DCT: variants seen among roughly 807,000 people sequenced by gnomAD.
DCT encodes dopachrome tautomerase.
In DCT, 47 loss-of-function variants were observed where a neutral mutation model predicts 53.0. That is an observed-to-expected ratio of 0.89 (90% CI 0.70 to 1.13). The LOEUF (loss-of-function observed/expected upper bound fraction) is 1.13, where lower values mean the gene tolerates loss of function less well. Among genes scored for constraint, DCT ranks in the 50% most tolerant of loss-of-function variants. The pLI is 0.00. For missense variants in DCT, 669 were observed against 637.4 expected (o/e 1.05, Z -0.53); for synonymous variants, 244 against 237.0 (o/e 1.03, Z -0.27).
At chr13:94,509,418 AC>A in the DCT span, among the ~76,000 whole-genome samples, 4 of 143,700 alleles carry the variant, frequency 2.8e-5, no homozygotes, top group Non-Finnish European at 6.1e-5. Flanking sequence ...CCACACCATC[AC>A]CCCCTCCCCA....
the DCT span, among the ~76,000 whole-genome samples, chr13:94,515,099 C>G: frequency 1.6e-4 from 24 of 152,128 alleles, no homozygotes; most frequent in Admixed American, 1.2e-3. Flanking sequence ...AAGAAGATGG[C>G]AGTCTATGAA....
chr13:94,543,252 G>A, the DCT span, among the ~76,000 whole-genome samples: 19 of 152,200 alleles, frequency 1.2e-4, no homozygotes, highest in Admixed American at 3.3e-4. Flanking sequence ...GAATTCATCC[G>A]GTGAGGCCAC....
Position 94,460,230 on chromosome 13 carries a change from G to A in DCT, c.1044-4C>T. On this transcript the variant is annotated splice_region_variant and splice_polypyrimidine_tract_variant and intron_variant, in intron 5 of 7. Coordinates refer to ENST00000377028, the MANE Select transcript of DCT (RefSeq NM_001922.5). ...ATCAAACCCTTCCAAAGCATTCCTA[G>A]GAGAAACAAGTATATCAGTGACAAC... The A allele has an allele frequency of 1.2e-6, 2 of 1,612,600 alleles. No homozygotes were observed. The highest frequency in any genetic ancestry group is 4.5e-5 in the East Asian group (2 of 44,842).
chr13:94,465,456 T>TA (rs1884110464), intron 4 of DCT, 177 bp downstream of exon 4: 2 of 431,754 alleles, frequency 4.6e-6, no homozygotes, highest in South Asian at 1.2e-4. Context: ...ATTTTTTTTT[T>TA]AATTAAAGAG....
Position 94,465,656 on chromosome 13 carries a change from G to A in DCT, c.840C>T (p.Ser280=), listed in dbSNP as rs200698216. The change falls in exon 4 of 8, where the codon TCC becomes TCT. Residue 280 remains serine, a synonymous_variant. Transcript: ENST00000377028. ...ACCTATCACAGACAGTTTCCCAGCT[G>A]GAGAATCTTGAGTTCCGACTAATCA... ...PTLISRNSRF[S]SWETVCDSLD... 1.6e-5 allele frequency: 26 copies of A among 1,613,382 alleles called. No homozygotes were observed. In the African/African-American group the frequency reaches 2.9e-4, roughly 18 times the overall value.
the DCT span, among the ~76,000 whole-genome samples, chr13:94,489,164 C>T: frequency 1.3e-5 from 2 of 151,968 alleles, no homozygotes; most frequent in Non-Finnish European, 2.9e-5. Context: ...AATTTTGAAC[C>T]ATGCATGTAT....
chr13:94,480,656 T>C (rs190030184), upstream of DCT, among the ~76,000 whole-genome samples: 1 of 152,310 alleles, frequency 6.6e-6, no homozygotes, highest in Admixed American at 6.5e-5. Flanking sequence ...TGGCAATTCT[T>C]ATGTCTGACT....
rs532583614 is a variant in DCT, at chr13:94,468,494, A to C, written c.595+252T>G. ...TTTGATGATTAACAGCTTCACAGAG[A>C]AAAGTTTACACTTTGAACCAAGAAC... On this transcript the variant is annotated intron_variant, in intron 2 of 7. Transcript: ENST00000377028. The C allele has an allele frequency of 1.6e-5, 6 of 385,610 alleles. No homozygotes were observed. The East Asian group carries it at 2.5e-4, about 16-fold the overall frequency. The allele number at this position is 385,610 out of a possible 1,614,324, so 23.9% of individuals were successfully genotyped here.
At chr13:94,486,724 C>G in the DCT span, among the ~76,000 whole-genome samples, 1 of 152,142 alleles carries the variant, frequency 6.6e-6, no homozygotes, top group Non-Finnish European at 1.5e-5. Context: ...CTTTCTTTAC[C>G]TTGGCCAGTT....
the DCT span, among the ~76,000 whole-genome samples, chr13:94,502,622 T>C: frequency 6.6e-6 from 1 of 152,188 alleles, no homozygotes; most frequent in African/African-American, 2.4e-5. Context: ...GGCCTCTTTG[T>C]AGCTTTCTGA....
chr13:94,488,747 C>T, the DCT span, among the ~76,000 whole-genome samples: 5 of 149,454 alleles, frequency 3.3e-5, no homozygotes, highest in South Asian at 2.1e-4. Flanking sequence ...CACACACACA[C>T]ACACACACAC....
rs140297479 is a variant in DCT, at chr13:94,451,564, T to A, written c.1180-7927A>T. On this transcript the variant is annotated intron_variant, in intron 6 of 7. Transcript: ENST00000377028. ...GCCTCTCTAAACTGTATTTTCCCTG[T>A]GTTTAAAACAAGGAGAGTAGTTTAC... Among the ~76,000 whole-genome samples, 406 of 152,352 alleles carry A rather than the reference T, an allele frequency of 2.7e-3. 2 individuals carry two copies. Among genetic ancestry groups the A allele is most frequent in the African/African-American group, 9.3e-3 (388 of 41,588 alleles).
chr13:94,448,887 G>C (rs1882900130), intron 6 of DCT, among the ~76,000 whole-genome samples: 1 of 151,720 alleles, frequency 6.6e-6, no homozygotes, highest in Admixed American at 6.6e-5. Flanking sequence ...CTGGACCACA[G>C]AGTGAGACTC....
At chr13:94,519,429 A>G in the DCT span, among the ~76,000 whole-genome samples, 1 of 152,168 alleles carries the variant, frequency 6.6e-6, no homozygotes, top group Non-Finnish European at 1.5e-5. Context: ...TTTGTACCCA[A>G]GGAGTTTGCA....
chr13:94,459,565 A>G (rs1204601641), intron 6 of DCT, among the ~76,000 whole-genome samples: 1 of 152,134 alleles, frequency 6.6e-6, no homozygotes, highest in African/African-American at 2.4e-5. Context: ...GAGATTGTTT[A>G]TGTCCAACAG....
the DCT span, among the ~76,000 whole-genome samples, chr13:94,524,916 A>G: frequency 2.6e-5 from 4 of 152,170 alleles, no homozygotes; most frequent in African/African-American, 7.2e-5. Context: ...GGATACGTAT[A>G]TGAACACAGA....
Position 94,460,145 on chromosome 13 carries a change from G to T in DCT, c.1125C>A (p.Phe375Leu), listed in dbSNP as rs138973003. 6 of 1,614,140 alleles carry T rather than the reference G, an allele frequency of 3.7e-6. No homozygotes were observed. The highest frequency in any genetic ancestry group is 5.1e-6 in the Non-Finnish European group (6 of 1,180,012). The stretch of plus-strand genomic sequence containing the variant: ...GTGGCAAAGCGTTTGTCCCGTTCAG[G>T]AAGGAATGAACCAAATTATGAAGGC... ...VMSLHNLVHSFLNGTNALPHS... is the reference protein window; with the variant it reads ...VMSLHNLVHSLLNGTNALPHS... Residue 375 changes from phenylalanine (F) to leucine (L), a missense_variant, in exon 6 of 8, where the codon TTC (phenylalanine) becomes TTA (leucine). Transcript: ENST00000377028.
chr13:94,548,316 C>T, the DCT span, among the ~76,000 whole-genome samples: 1 of 151,744 alleles, frequency 6.6e-6, no homozygotes, highest in Admixed American at 6.6e-5. Context: ...AATTAATGTC[C>T]AATTAGAGAA....
Position 94,468,729 on chromosome 13 carries a change from C to T in DCT, c.595+17G>A, listed in dbSNP as rs1210902937. The T allele has an allele frequency of 1.9e-6, 3 of 1,607,048 alleles. No individual in the cohort carries two copies. The highest frequency in any genetic ancestry group is 1.3e-5 in the African/African-American group (1 of 74,702). On this transcript the variant is annotated intron_variant, in intron 2 of 7. Transcript: ENST00000377028. ...CAAACCTGTAATAATATACCTTCAG[C>T]CAAGGAAAAAACCCACCTAATAATG...
Sources: allele counts gnomAD v4.1 joint callset (sites outside exome capture counted in the v4.1 genomes callset), GRCh38; gene constraint gnomAD v4.1.1; transcripts MANE v1.5; gene names NCBI Gene and HGNC (gene_info 2026-07-23, HGNC 2026-07-21).